Variants in EEF1D observed in about 807,000 individuals in gnomAD.
The protein encoded by EEF1D is elongation factor 1-delta.
In EEF1D, 47 loss-of-function variants were observed where a neutral mutation model predicts 63.9. The ratio of observed to expected loss-of-function variants is 0.74; its 90% confidence interval spans 0.58 to 0.94. The LOEUF (loss-of-function observed/expected upper bound fraction) is 0.94. Ranked by LOEUF, EEF1D falls within the 40% of genes least tolerant of loss-of-function variation. The pLI, the probability that EEF1D is intolerant of heterozygous loss-of-function variation, is 0.00. For missense variants in EEF1D, 907 were observed against 899.0 expected (o/e 1.01, Z -0.11); for synonymous variants, 412 against 386.1 (o/e 1.07, Z -0.79).
At position 143,593,777 on chromosome 8, in the gene EEF1D, C is replaced by T. The variant is rs575185745; in HGVS notation, c.-14-1117G>A. Reference sequence around the variant, plus strand: ...CACCTGGGGAGCTGGCCACTAACAGCGGGCAGAGAGCCTCCCAGGACAGCC... The same window carrying T: ...CACCTGGGGAGCTGGCCACTAACAGTGGGCAGAGAGCCTCCCAGGACAGCC... On this transcript the variant is annotated intron_variant, in intron 1 of 9. Coordinates refer to ENST00000618139, the MANE Select transcript of EEF1D (RefSeq NM_001130053.5). 161 of 844,644 alleles carry T rather than the reference C, an allele frequency of 1.9e-4. No homozygotes were observed. The African/African-American group carries it at 2.4e-3, about 13-fold the overall frequency. The allele number at this position is 844,644 out of a possible 1,614,324, so 52.3% of individuals were successfully genotyped here.
Position 143,580,734 on chromosome 8 carries a change from C to T in EEF1D, c.1489-7G>A. Reference sequence around the variant, plus strand: ...GGCGCATGGGAGATACGTGCTGCCACAGGGGAAGGGACAGGAGGCACGGCT... The same window carrying T: ...GGCGCATGGGAGATACGTGCTGCCATAGGGGAAGGGACAGGAGGCACGGCT... On this transcript the variant is annotated splice_region_variant and splice_polypyrimidine_tract_variant and intron_variant, in intron 7 of 9. Coordinates refer to ENST00000618139, the MANE Select transcript of EEF1D (RefSeq NM_001130053.5). 4 of 1,612,374 alleles carry T rather than the reference C, an allele frequency of 2.5e-6. No individual in the cohort carries two copies. The highest frequency in any genetic ancestry group is 3.4e-6 in the Non-Finnish European group (4 of 1,179,980).
Position 143,581,302 on chromosome 8 carries a change from G to A in EEF1D, c.1314C>T (p.Gly438=). ...AGSSGPGASS[G]TSGDHGELVV... ...CGAGCTCACCGTGGTCTCCGCTGGT[G>A]CCGCTGGAGGCCCCGGGGCCTGAGC... is the stretch of plus-strand genomic sequence containing the variant. The change falls in exon 6 of 10, where the codon GGC becomes GGT. Residue 438 remains glycine, a synonymous_variant. Coordinates refer to ENST00000618139, the MANE Select transcript of EEF1D (RefSeq NM_001130053.5). 3.1e-6 allele frequency: 5 copies of A among 1,611,892 alleles called. No individual in the cohort carries two copies. The South Asian group carries it at 4.4e-5, about 14-fold the overall frequency.
intron 3 of EEF1D, among the ~76,000 whole-genome samples, chr8:143,587,818 G>A (rs1375777329): frequency 2.0e-5 from 3 of 152,338 alleles, no homozygotes; most frequent in Admixed American, 6.5e-5. Context: ...AGCAGCAGAG[G>A]AGCTGGGCAG....
chr8:143,589,688 C>A lies in EEF1D; in HGVS notation c.394G>T (p.Val132Leu). 6.5e-7 allele frequency: 1 copy of A among 1,529,862 alleles called. No individual in the cohort carries two copies. The highest frequency in any genetic ancestry group is 1.3e-5 in the South Asian group (1 of 79,066). 94.8% of individuals were successfully genotyped at this position (1,529,862 alleles called of 1,614,324 possible). A position where few individuals can be genotyped will look rare whatever the true frequency, so the allele number is the denominator to read the frequency against. Reference protein sequence around the residue: ...ESSYRQKLADVAAQAAWPPAL... With the variant: ...ESSYRQKLADLAAQAAWPPAL... ...GGAGGCCAGGCTGCCTGGGCAGCCA[C>A]ATCTGCCAGCTTCTGGCGGTAGGAG... Residue 132 changes from valine to leucine, a missense_variant, in exon 3 of 10, where the codon GTG (valine) becomes TTG (leucine). Transcript: ENST00000618139.
chr8:143,581,390 G>A lies in EEF1D; in HGVS notation c.1288-62C>T, dbSNP rs995190926. ...CCTGCTCCTAGGGTCCCCCTGCCAT[G>A]CTCAGGACTGCAGGAACTCACGGAA... is the stretch of plus-strand genomic sequence containing the variant. On this transcript the variant is annotated intron_variant, in intron 5 of 9. Transcript: ENST00000618139. The A allele has an allele frequency of 5.5e-6, 8 of 1,455,646 alleles. No individual in the cohort carries two copies. In the Admixed American group the frequency reaches 1.4e-4, roughly 25 times the overall value. The allele number at this position is 1,455,646 out of a possible 1,614,324, so 90.2% of individuals were successfully genotyped here. A position where few individuals can be genotyped will look rare whatever the true frequency, so the allele number is the denominator to read the frequency against.
Position 143,589,324 on chromosome 8 carries a change from C to T in EEF1D, c.758G>A (p.Gly253Asp). 6.3e-7 allele frequency: 1 copy of T among 1,585,002 alleles called. No homozygotes were observed. Among genetic ancestry groups the T allele is most frequent in the Non-Finnish European group, 8.6e-7 (1 of 1,164,954 alleles). ...CAGGCGCACCTTCCCTGGGGGATGG[C>T]CGTCAAACAGGGCCTCGTAGAAGCC... is the stretch of plus-strand genomic sequence containing the variant. ...ERGFYEALFD[G>D]HPPGKVRLQE... Residue 253 changes from glycine (G) to aspartate (D), a missense_variant, in exon 3 of 10, where the codon GGC (glycine) becomes GAC (aspartate). Coordinates refer to ENST00000618139, the MANE Select transcript of EEF1D (RefSeq NM_001130053.5).
rs1825430857 is a variant in EEF1D, at chr8:143,581,103, A to C, written c.1439T>G (p.Val480Gly). 1.2e-6 allele frequency: 2 copies of C among 1,612,832 alleles called. No individual in the cohort carries two copies. Among genetic ancestry groups the C allele is most frequent in the East Asian group, 4.5e-5 (2 of 44,884 alleles). Residue 480 changes from valine to glycine, a missense_variant, in exon 7 of 10, where the codon GTG becomes GGG. Coordinates refer to ENST00000618139, the MANE Select transcript of EEF1D (RefSeq NM_001130053.5). ...GTGGCCAGGCGAGCTCTTCTCCAGC[A>C]CGTTCAGCCGGGCCTCCAGCTTGGA... is the stretch of plus-strand genomic sequence containing the variant. ...AISKLEARLN[V>G]LEKSSPGHRA...
chr8:143,588,857 C>T, intron 3 of EEF1D, 134 bp downstream of exon 3: 1 of 1,232,238 alleles, frequency 8.1e-7, no homozygotes, highest in Non-Finnish European at 1.1e-6. Context: ...GCATTCAACT[C>T]TGCTGGGCCC....
At chr8:143,586,383 T>TA (rs1491051202) in intron 4 of EEF1D, 93 bp from the exon 5 acceptor site, 5 of 1,184,514 alleles carry the variant, frequency 4.2e-6, no homozygotes, top group Middle Eastern at 3.0e-4. Flanking sequence ...AACCCTCACA[T>TA]AGAGACAGCA....
chr8:143,596,773 A>T (rs1246058358), intron 1 of EEF1D: 3 of 152,332 alleles, frequency 2.0e-5, no homozygotes, highest in African/African-American at 4.8e-5. Flanking sequence ...ACTTCTTAGC[A>T]ACAGCATCCC....
At chr8:143,583,591 A>T (rs1394554874) in intron 5 of EEF1D, 1 of 152,240 alleles carries the variant, frequency 6.6e-6, no homozygotes, top group East Asian at 1.9e-4. Context: ...GCAGAACGCA[A>T]GGCACAAAGG....
At chr8:143,586,597 T>TC (rs1183831355) in intron 4 of EEF1D, 132 bp downstream of exon 4, 8 of 1,344,466 alleles carry the variant, frequency 6.0e-6, no homozygotes, top group Non-Finnish European at 2.0e-6. Context: ...GAGACCCCAC[T>TC]CCCAGCACCC....
intron 3 of EEF1D, 92 bp downstream of exon 3, chr8:143,588,899 G>A (rs1189482709): frequency 2.0e-6 from 3 of 1,470,020 alleles, no homozygotes; most frequent in Non-Finnish European, 2.7e-6. Flanking sequence ...CCCCAGGTGG[G>A]CAGGGGAGGA....
chr8:143,580,858 TACATGCA>T, intron 7 of EEF1D, 131 bp from the exon 8 acceptor site: 1 of 1,200,628 alleles, frequency 8.3e-7, no homozygotes, highest in South Asian at 1.3e-5. Context: ...CGCAGCTGTG[TACATGCA>T]GGGCCCCAGG....
chr8:143,592,688 A>G (rs1281817740), intron 1 of EEF1D, 28 bp from the exon 2 acceptor site: 1 of 985,490 alleles, frequency 1.0e-6, no homozygotes, highest in Non-Finnish European at 1.2e-6. Flanking sequence ...AAAAGCAGCA[A>G]GGTTAGAGGC....
rs555974586 is a variant in EEF1D, at chr8:143,592,939, G to A, written c.-14-279C>T. On this transcript the variant is annotated intron_variant, in intron 1 of 9. Transcript: ENST00000618139. ...ATTACTGTCAGTTGGAGCCTAGGCAGGCCCTGGGGGACAAGCAGGGACCAC... is the reference window on the plus strand; with the variant it reads ...ATTACTGTCAGTTGGAGCCTAGGCAAGCCCTGGGGGACAAGCAGGGACCAC... The A allele has an allele frequency of 1.5e-3, 225 of 153,318 alleles. 1 individual carries two copies. The highest frequency in any genetic ancestry group is 6.8e-3 in the Middle Eastern group (2 of 296). 9.5% of individuals were successfully genotyped at this position (153,318 alleles called of 1,614,324 possible). A position where few individuals can be genotyped will look rare whatever the true frequency, so the allele number is the denominator to read the frequency against.
chr8:143,589,749 C>T lies in EEF1D; in HGVS notation c.333G>A (p.Val111=), dbSNP rs372141530. 4.6e-6 allele frequency: 7 copies of T among 1,532,590 alleles called. No individual in the cohort carries two copies. Among genetic ancestry groups the T allele is most frequent in the Non-Finnish European group, 5.3e-6 (6 of 1,140,826 alleles). 94.9% of individuals were successfully genotyped at this position (1,532,590 alleles called of 1,614,324 possible). ...GGTCGAAAAGTGACTTGTCCAGCCA[C>T]ACGCGTTCGGCCGAGAGGCCCAGGA... is the stretch of plus-strand genomic sequence containing the variant. ...LALLGLSAER[V]WLDKSLFDQA... is the part of the protein sequence containing the mutation. Residue 111 remains valine, a synonymous_variant, in exon 3 of 10, where the codon GTG becomes GTA. Transcript: ENST00000618139.
At chr8:143,594,188 G>A (rs1211108071) in intron 1 of EEF1D, 1 of 152,272 alleles carries the variant, frequency 6.6e-6, no homozygotes, top group East Asian at 1.9e-4. Context: ...AAGCAGGCCA[G>A]GCTCACCACC....
At chr8:143,592,251 C>A in intron 2 of EEF1D, 1 of 985,538 alleles carries the variant, frequency 1.0e-6, no homozygotes, top group Non-Finnish European at 1.2e-6. Flanking sequence ...ACTGAGCTGG[C>A]CCCCAGTGTT....
Sources: gnomAD v4.1 joint callset for allele counts (sites outside exome capture counted in the v4.1 genomes callset) on GRCh38, gnomAD v4.1.1 for gene constraint, MANE v1.5 for transcripts, NCBI Gene and HGNC (gene_info 2026-07-23, HGNC 2026-07-21) for gene names.